Variants in TRIM33 observed in about 807,000 individuals in gnomAD.
TRIM33 encodes E3 ubiquitin-protein ligase TRIM33.
A neutral mutation model predicts 125.4 loss-of-function variants in TRIM33; 20 were observed. The observed-to-expected ratio is 0.16, with a 90% CI of 0.11 to 0.23. TRIM33 has a LOEUF of 0.23. Among genes scored for constraint, TRIM33 ranks in the 10% least tolerant of loss-of-function variants. The pLI, the probability that TRIM33 is intolerant of heterozygous loss-of-function variation, is 1.00. For missense variants in TRIM33, 920 were observed against 1,411.4 expected (o/e 0.65, Z 5.58); for synonymous variants, 564 against 513.9 (o/e 1.10, Z -1.32).
intron 15 of TRIM33, among the ~76,000 whole-genome samples, 180 bp from the exon 16 acceptor site, chr1:114,403,063 C>T (rs571266244): frequency 6.6e-6 from 1 of 152,238 alleles, no homozygotes; most frequent in South Asian, 2.1e-4. Flanking sequence ...CTAAATTTTC[C>T]TAGTCACGCA....
chr1:114,396,204 C>A lies in TRIM33; in HGVS notation c.*1444G>T, dbSNP rs977091138. 1 of 203,532 alleles carries A rather than the reference C, an allele frequency of 4.9e-6. No individual in the cohort carries two copies. The highest frequency in any genetic ancestry group is 1.0e-5 in the Non-Finnish European group (1 of 98,902). 12.6% of individuals were successfully genotyped at this position (203,532 alleles called of 1,614,324 possible). A position where few individuals can be genotyped will look rare whatever the true frequency, so the allele number is the denominator to read the frequency against. Reference sequence around the variant, plus strand: ...GAAGCCTGTAACAGTGTAGAACACACATTTTGAATCTGAGCATCACAAATG... The same window carrying A: ...GAAGCCTGTAACAGTGTAGAACACAAATTTTGAATCTGAGCATCACAAATG... On this transcript the variant is annotated 3_prime_UTR_variant, in exon 20 of 20. Coordinates refer to ENST00000358465, the MANE Select transcript of TRIM33 (RefSeq NM_015906.4).
intron 1 of TRIM33, among the ~76,000 whole-genome samples, chr1:114,496,124 T>C (rs561034995): frequency 6.2e-4 from 95 of 152,332 alleles, no homozygotes; most frequent in Admixed American, 5.9e-4. Flanking sequence ...AGTGAAATGA[T>C]TCTCAATACC....
At chr1:114,425,850 G>A (rs770020593) in intron 8 of TRIM33, 127 bp from the exon 9 acceptor site, 3 of 640,712 alleles carry the variant, frequency 4.7e-6, no homozygotes, top group Non-Finnish European at 5.4e-6. Flanking sequence ...AGTACAGCAG[G>A]GAATGGAGTC....
At chr1:114,503,102 TAAG>T (rs1272623210) in intron 1 of TRIM33, among the ~76,000 whole-genome samples, 5 of 152,214 alleles carry the variant, frequency 3.3e-5, no homozygotes, top group Admixed American at 1.3e-4. Context: ...CACAAAAACT[TAAG>T]AAGAATATTT....
chr1:114,414,224 AT>A (rs1231509881), intron 11 of TRIM33, among the ~76,000 whole-genome samples: 3 of 152,176 alleles, frequency 2.0e-5, no homozygotes, highest in Non-Finnish European at 4.4e-5. Context: ...CAATGGTTTT[AT>A]ATGGCTCATA....
chr1:114,496,747 G>A (rs1169674785), intron 1 of TRIM33, among the ~76,000 whole-genome samples: 2 of 152,164 alleles, frequency 1.3e-5, no homozygotes, highest in Non-Finnish European at 1.5e-5. Flanking sequence ...ATCCCTGTTT[G>A]GCTAATGAAT....
chr1:114,411,972 A>G (rs575523183), intron 11 of TRIM33, among the ~76,000 whole-genome samples: 35 of 152,242 alleles, frequency 2.3e-4, no homozygotes, highest in Non-Finnish European at 4.4e-4. Context: ...ACACAGTCCA[A>G]TAGGAAAATG....
At chr1:114,490,851 A>G (rs1299377746) in intron 1 of TRIM33, 1 of 152,188 alleles carries the variant, frequency 6.6e-6, no homozygotes, top group African/African-American at 2.4e-5. Context: ...ATTTAAAAAA[A>G]GAATGAAGCA....
At chr1:114,468,409 A>G in intron 1 of TRIM33, 1 of 354,486 alleles carries the variant, frequency 2.8e-6, no homozygotes, top group Admixed American at 4.2e-5. Flanking sequence ...GGGGATACCC[A>G]AACAGAGGAG....
intron 15 of TRIM33, among the ~76,000 whole-genome samples, chr1:114,403,446 C>T (rs939540989): frequency 6.6e-6 from 1 of 152,158 alleles, no homozygotes; most frequent in Non-Finnish European, 1.5e-5. Flanking sequence ...TCTTGGTTCA[C>T]TGCAACCTCC....
Position 114,511,134 on chromosome 1 carries a change from C to T in TRIM33, c.-58G>A. The T allele has an allele frequency of 9.1e-7, 1 of 1,093,596 alleles. No homozygotes were observed. Among genetic ancestry groups the T allele is most frequent in the Non-Finnish European group, 1.1e-6 (1 of 902,924 alleles). 67.7% of individuals were successfully genotyped at this position (1,093,596 alleles called of 1,614,324 possible). On this transcript the variant is annotated 5_prime_UTR_variant, in exon 1 of 20. Coordinates refer to ENST00000358465, the MANE Select transcript of TRIM33 (RefSeq NM_015906.4). ...CGCCGCCCGCCGCCCGCGTCGCCGC[C>T]GCCGCCGCCCCCAGCCCCAGCCGCA...
At chr1:114,463,030 T>C in intron 4 of TRIM33, 74 bp downstream of exon 4, 1 of 1,185,112 alleles carries the variant, frequency 8.4e-7, no homozygotes, top group African/African-American at 1.6e-5. Context: ...TAATCAATAT[T>C]TGCTTTAAGA....
At chr1:114,401,115 C>A (rs950345240) in intron 17 of TRIM33, among the ~76,000 whole-genome samples, 6 of 151,618 alleles carry the variant, frequency 4.0e-5, no homozygotes, top group African/African-American at 1.5e-4. Context: ...CGGCTCACTG[C>A]AAGCTCCGCC....
intron 1 of TRIM33, among the ~76,000 whole-genome samples, chr1:114,476,882 G>C (rs1651005119): frequency 6.6e-6 from 1 of 152,130 alleles, no homozygotes; most frequent in Non-Finnish European, 1.5e-5. Flanking sequence ...ATACAGGAGA[G>C]TAATGCTTAA....
chr1:114,490,084 CAA>C (rs776451339), intron 1 of TRIM33, among the ~76,000 whole-genome samples: 37 of 37,634 alleles, frequency 9.8e-4, no homozygotes, highest in Non-Finnish European at 1.3e-3. Flanking sequence ...GACTCCGTCT[CAA>C]AAAAAAAAAA....
At chr1:114,480,928 C>T (rs1651290151) in intron 1 of TRIM33, among the ~76,000 whole-genome samples, 1 of 152,038 alleles carries the variant, frequency 6.6e-6, no homozygotes, top group Non-Finnish European at 1.5e-5. Flanking sequence ...GGAGTAGTCA[C>T]ACTAACATCA....
intron 4 of TRIM33, among the ~76,000 whole-genome samples, chr1:114,441,915 T>C (rs1470726184): frequency 6.6e-6 from 1 of 152,210 alleles, no homozygotes; most frequent in Non-Finnish European, 1.5e-5. Context: ...TTCAGATAGT[T>C]TGATATCCTA....
intron 16 of TRIM33, among the ~76,000 whole-genome samples, chr1:114,401,836 GAA>G (rs1651913717): frequency 6.6e-6 from 1 of 152,098 alleles, no homozygotes; most frequent in African/African-American, 2.4e-5. Flanking sequence ...GACAAATGTT[GAA>G]AGTTATCATC....
At chr1:114,402,488 C>T (rs61281964) in intron 16 of TRIM33, among the ~76,000 whole-genome samples, 5 of 151,792 alleles carry the variant, frequency 3.3e-5, no homozygotes, top group South Asian at 4.2e-4. Flanking sequence ...TTTTTTATGT[C>T]GTTATTTGCT....
Sources: allele counts gnomAD v4.1 joint callset (sites outside exome capture counted in the v4.1 genomes callset), GRCh38; gene constraint gnomAD v4.1.1; transcripts MANE v1.5; gene names NCBI Gene and HGNC (gene_info 2026-07-23, HGNC 2026-07-21).